The following MICU3 variants were observed in gnomAD, a reference collection of about 807,000 sequenced individuals.
MICU3 encodes the protein mitochondrial calcium uptake 3.
MICU3 carries 62 observed loss-of-function variants against 66.5 expected under a neutral mutation model. The ratio of observed to expected loss-of-function variants is 0.93; its 90% CI spans 0.76 to 1.15. The LOEUF is 1.15. Ranked by LOEUF, MICU3 falls within the 50% of genes most tolerant of loss-of-function variation. The probability of loss-of-function intolerance (pLI) is 0.00; values close to 1 mark genes in which losing one functional copy is unlikely to be tolerated. For synonymous variants in MICU3, 308 were observed against 240.7 expected (o/e 1.28, Z -2.59); for missense variants, 779 against 664.4 (o/e 1.17, Z -1.90).
the MICU3 span, chr8:17,133,036 C>T: frequency 1.3e-5 from 2 of 152,238 alleles, 1 homozygote; most frequent in South Asian, 4.1e-4. Flanking sequence ...GGCACTGAAT[C>T]TGCTTGATCT....
intron 8 of MICU3, among the ~76,000 whole-genome samples, chr8:17,097,470 G>T (rs1800834576): frequency 6.6e-6 from 1 of 151,566 alleles, no homozygotes; most frequent in Non-Finnish European, 1.5e-5. Context: ...TAAAATATAG[G>T]CAGTGGGCAG....
At chr8:17,030,128 T>C (rs916358528) in intron 1 of MICU3, among the ~76,000 whole-genome samples, 2 of 152,230 alleles carry the variant, frequency 1.3e-5, no homozygotes, top group Non-Finnish European at 2.9e-5. Context: ...ATATTTTCTC[T>C]TTTTGCTGTA....
chr8:17,049,680 A>G, intron 1 of MICU3: 1 of 512,508 alleles, frequency 2.0e-6, no homozygotes, highest in Non-Finnish European at 3.9e-6. Context: ...TGTAATGTGA[A>G]AAAACACTGG....
intron 1 of MICU3, among the ~76,000 whole-genome samples, chr8:17,050,408 A>T (rs1585231210): frequency 2.0e-5 from 3 of 152,076 alleles, no homozygotes; most frequent in African/African-American, 7.2e-5. Flanking sequence ...AAAATATACC[A>T]CTTTATTAAT....
rs200855745 is a variant in MICU3, at chr8:17,110,741, A to AGG, written c.1258-3345_1258-3344dup. 3.6e-4 allele frequency among the ~76,000 whole-genome samples: 54 copies of AGG among 148,072 alleles called. 1 individual carries two copies. Among genetic ancestry groups the AGG allele is most frequent in the African/African-American group, 1.1e-3 (45 of 40,242 alleles). On this transcript the variant is annotated intron_variant, in intron 11 of 14. Transcript: ENST00000318063. Reference sequence around the variant, plus strand: ...ACTGTACCTGGCAATTTTTTTGGGGAGGGGGGGGTAGAGACAGGGTTTTTT... The same window carrying AGG: ...ACTGTACCTGGCAATTTTTTTGGGGAGGGGGGGGGGTAGAGACAGGGTTTTTT...
At chr8:17,087,141 C>T in intron 7 of MICU3, 106 bp downstream of exon 7, 3 of 758,772 alleles carry the variant, frequency 4.0e-6, no homozygotes, top group Admixed American at 3.1e-5. Flanking sequence ...CTGTCCCTTT[C>T]TTGAAAACTT....
the MICU3 span, among the ~76,000 whole-genome samples, chr8:17,128,655 T>G: frequency 1.3e-5 from 2 of 152,162 alleles, no homozygotes; most frequent in Non-Finnish European, 2.9e-5. Flanking sequence ...ATTCAGGGCC[T>G]TGATCCTTGA....
chr8:17,097,738 G>A (rs928222376), intron 8 of MICU3, among the ~76,000 whole-genome samples: 1 of 151,526 alleles, frequency 6.6e-6, no homozygotes, highest in Non-Finnish European at 1.5e-5. Flanking sequence ...TTTTGTTTAT[G>A]GGGATCCAAG....
chr8:17,131,655 A>G, the MICU3 span: 1 of 152,696 alleles, frequency 6.5e-6, no homozygotes, highest in Non-Finnish European at 1.5e-5. Flanking sequence ...AGAAAATTGC[A>G]GCCTGCAGCA....
At position 17,093,361 on chromosome 8, in the gene MICU3, A is replaced by G. The variant is rs59910380; in HGVS notation, c.888+2777A>G. Among the ~76,000 whole-genome samples, 1,332 of 152,066 alleles carry G rather than the reference A, an allele frequency of 8.8e-3. 14 individuals carry two copies. Among genetic ancestry groups the G allele is most frequent in the African/African-American group, 0.027 (1,119 of 41,512 alleles). On this transcript the variant is annotated intron_variant, in intron 8 of 14. Transcript: ENST00000318063. ...AGAAAACATACCAGTTTTTATACCA[A>G]TTCTTTGGTGTATATTGAGACTTTT... is the stretch of plus-strand genomic sequence containing the variant.
At chr8:17,048,784 CA>C (rs150841698) in intron 1 of MICU3, among the ~76,000 whole-genome samples, 1,570 of 152,092 alleles carry the variant, frequency 0.01, 25 homozygotes, top group African/African-American at 0.036. Context: ...CCAGCTGATA[CA>C]TTTTTAAAAA....
chr8:17,113,586 G>C (rs563349156), intron 11 of MICU3, among the ~76,000 whole-genome samples: 66 of 152,316 alleles, frequency 4.3e-4, no homozygotes, highest in African/African-American at 1.4e-3. Context: ...AGGAACAAGT[G>C]TGAATACACT....
chr8:17,027,296 G>T lies in MICU3; in HGVS notation c.17G>T (p.Arg6Met), dbSNP rs745401676. Residue 6 changes from arginine to methionine, a missense_variant, in exon 1 of 15, where the codon AGG (arginine) becomes ATG (methionine). Transcript: ENST00000318063. ...GCCTCCGCTATGGCTGCGCTGCGAA[G>T]GCTCTTGTGGCCGCCACCCCGGGTG... MAALR[R>M]LLWPPPRVSP... 4 of 1,519,106 alleles carry T rather than the reference G, an allele frequency of 2.6e-6. No homozygotes were observed. The highest frequency in any genetic ancestry group is 2.4e-5 in the South Asian group (2 of 81,948). 94.1% of individuals were successfully genotyped at this position (1,519,106 alleles called of 1,614,324 possible). A position where few individuals can be genotyped will look rare whatever the true frequency, so the allele number is the denominator to read the frequency against.
intron 10 of MICU3, among the ~76,000 whole-genome samples, chr8:17,104,887 C>T (rs960512488): frequency 1.3e-5 from 1 of 76,454 alleles, no homozygotes; most frequent in Non-Finnish European, 2.1e-5. Context: ...CCCAGCTACT[C>T]GGGAGGCTGA....
At chr8:17,114,038 G>GGT in intron 11 of MICU3, 55 bp from the exon 12 acceptor site, 1 of 1,163,068 alleles carries the variant, frequency 8.6e-7, no homozygotes, top group Non-Finnish European at 1.3e-6. Context: ...TGTAGATCCT[G>GGT]ATTTTAATAA....
At chr8:17,129,762 C>A in the MICU3 span, among the ~76,000 whole-genome samples, 4 of 152,028 alleles carry the variant, frequency 2.6e-5, no homozygotes, top group African/African-American at 9.7e-5. Context: ...AAAATTCTTC[C>A]CAAATTTGAA....
intron 14 of MICU3, 24 bp from the exon 15 acceptor site, chr8:17,120,264 T>G (rs1413799872): frequency 6.6e-6 from 1 of 152,150 alleles, no homozygotes; most frequent in African/African-American, 2.4e-5. Context: ...ATATTGCTTT[T>G]GTGTTATTAT....
chr8:17,032,989 A>C (rs1016657266), intron 1 of MICU3, among the ~76,000 whole-genome samples: 22 of 152,322 alleles, frequency 1.4e-4, no homozygotes, highest in African/African-American at 5.3e-4. Context: ...AGCAAAGAAT[A>C]AATGTTATGT....
intron 14 of MICU3, among the ~76,000 whole-genome samples, chr8:17,119,532 C>CACAGATAG (rs1554541221): frequency 1.6e-5 from 2 of 124,100 alleles, no homozygotes; most frequent in Non-Finnish European, 3.2e-5. Flanking sequence ...AAGCTTGAAG[C>CACAGATAG]ATAGATAGAT....
Sources: gnomAD v4.1 joint callset for allele counts (sites outside exome capture counted in the v4.1 genomes callset) on GRCh38, gnomAD v4.1.1 for gene constraint, MANE v1.5 for transcripts, NCBI Gene and HGNC (gene_info 2026-07-23, HGNC 2026-07-21) for gene names.